The following PAK1 variants were observed in gnomAD, a reference collection of about 807,000 sequenced individuals.
The protein encoded by PAK1 is p21 (RAC1) activated kinase 1, also known as serine/threonine-protein kinase PAK 1.
A neutral mutation model predicts 67.4 loss-of-function variants in PAK1; 29 were observed. The observed-to-expected ratio is 0.43, with a 90% CI of 0.32 to 0.59. The LOEUF is 0.59. Among genes scored for constraint, PAK1 ranks in the 20% least tolerant of loss-of-function variants. The pLI is 0.07. For synonymous variants in PAK1, 223 were observed against 237.4 expected (o/e 0.94, Z 0.56); for missense variants, 337 against 670.7 (o/e 0.50, Z 5.50).
chr11:77,461,276 G>C (rs1937815252), intron 1 of PAK1, among the ~76,000 whole-genome samples: 1 of 152,196 alleles, frequency 6.6e-6, no homozygotes, highest in Non-Finnish European at 1.5e-5. Context: ...GTGTCAACTT[G>C]GCTAGGCTAT....
At chr11:77,454,628 C>T (rs1308022173) in intron 1 of PAK1, among the ~76,000 whole-genome samples, 1 of 152,124 alleles carries the variant, frequency 6.6e-6, no homozygotes, top group Non-Finnish European at 1.5e-5. Context: ...ACACAGATTC[C>T]TGGGCCCCAC....
chr11:77,324,553 T>G (rs1010075460), intron 14 of PAK1, among the ~76,000 whole-genome samples: 2 of 152,102 alleles, frequency 1.3e-5, no homozygotes, highest in Non-Finnish European at 2.9e-5. Flanking sequence ...GTAAAAAAGC[T>G]TTGTGTCTTA....
At chr11:77,526,635 A>G in the PAK1 span, among the ~76,000 whole-genome samples, 5 of 152,230 alleles carry the variant, frequency 3.3e-5, no homozygotes, top group African/African-American at 1.2e-4. Flanking sequence ...AAAAGGCTGG[A>G]GGCCAGGTGT....
chr11:77,385,762 C>T (rs186686607), intron 2 of PAK1, among the ~76,000 whole-genome samples: 12 of 152,188 alleles, frequency 7.9e-5, no homozygotes, highest in African/African-American at 2.9e-4. Flanking sequence ...GAGGCTGAGG[C>T]AGGGAGAATT....
At chr11:77,398,882 C>T (rs1472058059) in intron 1 of PAK1, among the ~76,000 whole-genome samples, 1 of 152,130 alleles carries the variant, frequency 6.6e-6, no homozygotes, top group Non-Finnish European at 1.5e-5. Context: ...CAAATCTAGC[C>T]AATGGCAAAT....
At chr11:77,496,759 G>A in the PAK1 span, among the ~76,000 whole-genome samples, 664 of 152,064 alleles carry the variant, frequency 4.4e-3, 4 homozygotes, top group African/African-American at 0.015. Flanking sequence ...ATGGCAAAAC[G>A]CTGTCTCTAC....
At chr11:77,345,653 T>G (rs527269829) in intron 9 of PAK1, among the ~76,000 whole-genome samples, 2 of 152,314 alleles carry the variant, frequency 1.3e-5, no homozygotes, top group East Asian at 3.9e-4. Context: ...ATTCCCTACC[T>G]CAAGTAAGGA....
intron 2 of PAK1, among the ~76,000 whole-genome samples, chr11:77,384,485 A>T (rs1302815884): frequency 6.6e-6 from 1 of 152,262 alleles, no homozygotes; most frequent in African/African-American, 2.4e-5. Context: ...TATTCATAAC[A>T]GTCAAAAAGT....
chr11:77,378,697 T>C (rs1475701859), intron 4 of PAK1, among the ~76,000 whole-genome samples: 1 of 152,100 alleles, frequency 6.6e-6, no homozygotes, highest in African/African-American at 2.4e-5. Flanking sequence ...AAGTGATCCC[T>C]TCTCCTCAGC....
chr11:77,449,402 G>C (rs1246584057), intron 1 of PAK1, among the ~76,000 whole-genome samples: 2 of 152,174 alleles, frequency 1.3e-5, no homozygotes, highest in Non-Finnish European at 2.9e-5. Context: ...GTTAATGAAG[G>C]AAGGAAGAGC....
Position 77,406,537 on chromosome 11 carries a change from G to A in PAK1, c.-21-13996C>T, listed in dbSNP as rs142885912. Among the ~76,000 whole-genome samples, 124 of 152,288 alleles carry A rather than the reference G, an allele frequency of 8.1e-4. No homozygotes were observed. In the East Asian group the frequency reaches 0.023, roughly 29 times the overall value. ...CATGCCTGTAATCCCAGCACTTTGG[G>A]GAGGCTGAGGTGGGTGGATCACTAG... On this transcript the variant is annotated intron_variant, in intron 1 of 14. Transcript: ENST00000356341.
intron 1 of PAK1, chr11:77,408,093 A>T (rs1437094734): frequency 1.3e-5 from 2 of 152,274 alleles, no homozygotes; most frequent in Admixed American, 6.5e-5. Context: ...TGTCTTGCTA[A>T]ATCAAAAGTG....
the PAK1 span, among the ~76,000 whole-genome samples, chr11:77,500,195 G>A: frequency 1.2e-3 from 186 of 152,344 alleles, no homozygotes; most frequent in Non-Finnish European, 1.0e-3. Flanking sequence ...TAAACCGGGT[G>A]CGGTGGCTCA....
At chr11:77,529,193 A>T in the PAK1 span, among the ~76,000 whole-genome samples, 5 of 152,242 alleles carry the variant, frequency 3.3e-5, no homozygotes, top group African/African-American at 1.2e-4. Context: ...GTATTTACAC[A>T]AGAATCATTG....
chr11:77,431,027 T>G (rs1386144640), intron 1 of PAK1, among the ~76,000 whole-genome samples: 1 of 152,160 alleles, frequency 6.6e-6, no homozygotes, highest in Non-Finnish European at 1.5e-5. Flanking sequence ...CTTATGAGAA[T>G]CTAATGATAA....
the PAK1 span, among the ~76,000 whole-genome samples, chr11:77,486,065 T>C: frequency 6.6e-6 from 1 of 152,332 alleles, no homozygotes; most frequent in East Asian, 1.9e-4. Context: ...TCCTCTTCCA[T>C]TTACCATAGC....
chr11:77,365,237 GCA>G (rs1947343884), intron 5 of PAK1, among the ~76,000 whole-genome samples: 1 of 118,394 alleles, frequency 8.4e-6, no homozygotes, highest in Non-Finnish European at 1.6e-5. Context: ...GGGTGACAGA[GCA>G]AGACTCTGTC....
chr11:77,465,598 C>CA (rs1191135110), intron 1 of PAK1, among the ~76,000 whole-genome samples: 2 of 151,722 alleles, frequency 1.3e-5, no homozygotes, highest in Admixed American at 6.6e-5. Context: ...TCCTGGATAC[C>CA]AAAAAAATCT....
At chr11:77,454,519 AC>A (rs1202494887) in intron 1 of PAK1, among the ~76,000 whole-genome samples, 1 of 151,200 alleles carries the variant, frequency 6.6e-6, no homozygotes, top group Non-Finnish European at 1.5e-5. Flanking sequence ...CAGAGCCCAG[AC>A]TTTTTTTTTT....
Sources: allele counts gnomAD v4.1 joint callset (sites outside exome capture counted in the v4.1 genomes callset), GRCh38; gene constraint gnomAD v4.1.1; transcripts MANE v1.5; gene names NCBI Gene and HGNC (gene_info 2026-07-23, HGNC 2026-07-21).